The following PLA2G6 variants were observed in gnomAD, a reference collection of about 807,000 sequenced individuals.
PLA2G6 encodes the protein phospholipase A2 group VI, also known as 85/88 kDa calcium-independent phospholipase A2.
In PLA2G6, 62 loss-of-function variants were observed where a neutral mutation model predicts 83.8. That is an observed-to-expected ratio of 0.74 (90% CI 0.60 to 0.91). The LOEUF (loss-of-function observed/expected upper bound fraction) is 0.91, where lower values mean the gene tolerates loss of function less well. Ranked by LOEUF, PLA2G6 falls within the 40% of genes least tolerant of loss-of-function variation. The pLI, the probability that PLA2G6 is intolerant of heterozygous loss-of-function variation, is 0.00. For synonymous variants in PLA2G6, 417 were observed against 449.8 expected, an observed-to-expected ratio of 0.93 and a Z score of 0.92; for missense variants, 944 against 1,102.0, an observed-to-expected ratio of 0.86 and a Z score of 2.03.
chr22:38,145,452 G>C lies in PLA2G6; in HGVS notation c.411C>G (p.His137Gln). 1.9e-6 allele frequency: 3 copies of C among 1,608,372 alleles called. No individual in the cohort carries two copies. Among genetic ancestry groups the C allele is most frequent in the Non-Finnish European group, 2.5e-6 (3 of 1,178,184 alleles). ...CCCTTGCTCACCTGATGATACGGCT[G>C]TGATGGAAGCACTCGCGGATCCCTA... is the stretch of plus-strand genomic sequence containing the variant. ...VELGIRECFHHSRIISCANCA... is the reference protein window; with the variant it reads ...VELGIRECFHQSRIISCANCA... Residue 137 changes from histidine to glutamine, a missense_variant, in exon 3 of 17, where the codon CAC becomes CAG. His to Gln is a conservative substitution (Grantham distance 24, BLOSUM62 0). Transcript: ENST00000332509.
At chr22:38,125,483 T>C (rs1465386718) in intron 10 of PLA2G6, among the ~76,000 whole-genome samples, 1 of 152,156 alleles carries the variant, frequency 6.6e-6, no homozygotes, top group Non-Finnish European at 1.5e-5. Flanking sequence ...TGCCTGGCCC[T>C]GGGAGTGGAG....
At chr22:38,163,441 C>A (rs731821) in intron 2 of PLA2G6, 66,808 of 169,556 alleles carry the variant, frequency 0.39, 13,652 homozygotes, top group South Asian at 0.48. Flanking sequence ...GCGTGGCACA[C>A]CACCAGGCAT....
chr22:38,127,741 G>A lies in PLA2G6; in HGVS notation c.1348+528C>T, dbSNP rs2145744820. The stretch of plus-strand genomic sequence containing the variant: ...CAGAGAAGGGTCCTGTCTAGTCTGG[G>A]GATGTCTCCCTGGGCACCAAGGAAT... On this transcript the variant is annotated intron_variant, in intron 9 of 16. Transcript: ENST00000332509. Among the ~76,000 whole-genome samples, 2 of 152,324 alleles carry A rather than the reference G, an allele frequency of 1.3e-5. 1 individual carries two copies. Among genetic ancestry groups the A allele is most frequent in the South Asian group, 4.1e-4 (2 of 4,830 alleles).
intron 2 of PLA2G6, chr22:38,148,541 C>G: frequency 1.4e-6 from 1 of 717,280 alleles, no homozygotes; most frequent in East Asian, 2.7e-5. Context: ...GTTCAGGTGG[C>G]TGTTACTGGA....
chr22:38,115,774 G>C (rs2087153300), intron 13 of PLA2G6, 93 bp from the exon 14 acceptor site: 1 of 1,504,532 alleles, frequency 6.6e-7, no homozygotes, highest in East Asian at 2.5e-5. Flanking sequence ...TTGGGGGCTG[G>C]GGGTGCGGGA....
chr22:38,112,428 G>C, intron 16 of PLA2G6, 76 bp downstream of exon 16: 1 of 1,503,168 alleles, frequency 6.7e-7, no homozygotes, highest in Non-Finnish European at 9.0e-7. Context: ...GTCCACACTA[G>C]GGCTGGGAGG....
intron 2 of PLA2G6, among the ~76,000 whole-genome samples, chr22:38,162,111 G>A (rs1238651837): frequency 6.6e-6 from 1 of 151,676 alleles, no homozygotes; most frequent in Non-Finnish European, 1.5e-5. Flanking sequence ...AGGAGGCTGA[G>A]GCAGAGAGAA....
chr22:38,119,728 G>T (rs149027686), intron 12 of PLA2G6, among the ~76,000 whole-genome samples: 51 of 152,210 alleles, frequency 3.4e-4, no homozygotes, highest in African/African-American at 1.1e-3. Context: ...TGGGAGGACT[G>T]CTTGAACCCA....
intron 9 of PLA2G6, chr22:38,127,440 G>A (rs1256763961): frequency 6.8e-6 from 9 of 1,331,756 alleles, no homozygotes; most frequent in Non-Finnish European, 7.0e-6. Flanking sequence ...CCACCATCCG[G>A]CCTGGCTTGG....
rs1213607120 is a variant in PLA2G6 at position 38,132,064 on chromosome 22, G to A, written c.1077+767C>T. ...TGGGAGGCGGAGGTTGTGGTGAGCC[G>A]AGATCGCGCCACTGCACTCCAGCCT... On this transcript the variant is annotated intron_variant, in intron 7 of 16. Transcript: ENST00000332509. The surrounding 1 kb of genome is among the most constrained non-coding windows in gnomAD (Gnocchi z 5.0). The A allele has an allele frequency of 2.2e-6, 1 of 445,926 alleles. No homozygotes were observed. The highest frequency in any genetic ancestry group is 2.5e-5 in the Admixed American group (1 of 40,814). The allele number at this position is 445,926 out of a possible 1,614,324, so 27.6% of individuals were successfully genotyped here. A position where few individuals can be genotyped will look rare whatever the true frequency, so the allele number is the denominator to read the frequency against.
chr22:38,152,853 A>G (rs1233361588), intron 2 of PLA2G6, among the ~76,000 whole-genome samples: 1 of 152,218 alleles, frequency 6.6e-6, no homozygotes, highest in African/African-American at 2.4e-5. Flanking sequence ...CTCAATCACA[A>G]ATTGCAAAAG....
chr22:38,175,556 A>G (rs2092180), intron 1 of PLA2G6, among the ~76,000 whole-genome samples: 77,984 of 152,090 alleles, frequency 0.51, 20,542 homozygotes, highest in South Asian at 0.64. Context: ...ACGCTCCATC[A>G]GCGTAGCCCA....
chr22:38,127,387 C>G, intron 9 of PLA2G6: 1 of 1,314,648 alleles, frequency 7.6e-7, no homozygotes, highest in Non-Finnish European at 1.0e-6. Flanking sequence ...TCGGTGGCCT[C>G]TCCAGGCCCA....
chr22:38,135,215 C>T, intron 5 of PLA2G6, 131 bp from the exon 6 acceptor site: 1 of 695,488 alleles, frequency 1.4e-6, no homozygotes, highest in Non-Finnish European at 2.6e-6. Flanking sequence ...CAAACCCAAC[C>T]AGCACACTCA....
chr22:38,123,741 G>A lies in PLA2G6; in HGVS notation c.1428-483C>T, dbSNP rs1371375412. Among the ~76,000 whole-genome samples the A allele has an allele frequency of 6.6e-6, 1 of 152,116 alleles. No individual in the cohort carries two copies. The highest frequency in any genetic ancestry group is 6.5e-5 in the Admixed American group (1 of 15,268). On this transcript the variant is annotated intron_variant, in intron 10 of 16. Transcript: ENST00000332509. The surrounding 1 kb of genome is among the most constrained non-coding windows in gnomAD (Gnocchi z 4.1). ...GGGGAGGAGGGGGCAGGGAGGAAGG[G>A]AGAGGTTCATGCCAGGGGCTATGGG...
chr22:38,123,378 G>A lies in PLA2G6; in HGVS notation c.1428-120C>T, dbSNP rs1355625958. On this transcript the variant is annotated intron_variant, in intron 10 of 16. Coordinates refer to ENST00000332509, the MANE Select transcript of PLA2G6 (RefSeq NM_003560.4). The surrounding 1 kb of genome is among the most constrained non-coding windows in gnomAD (Gnocchi z 4.1). ...CTGGCAGACAGACCCAGACGGACCC[G>A]AGGAACTTCTGTCCTATGCAGGACA... is the stretch of plus-strand genomic sequence containing the variant. The A allele has an allele frequency of 3.0e-5, 31 of 1,047,334 alleles. No homozygotes were observed. The highest frequency in any genetic ancestry group is 3.9e-5 in the Non-Finnish European group (27 of 699,062). 64.9% of individuals were successfully genotyped at this position (1,047,334 alleles called of 1,614,324 possible).
intron 1 of PLA2G6, among the ~76,000 whole-genome samples, chr22:38,172,844 C>G (rs576433752): frequency 6.6e-6 from 1 of 152,236 alleles, no homozygotes; most frequent in East Asian, 1.9e-4. Context: ...GTGTACCCCC[C>G]ACCAGAGCCT....
At chr22:38,173,401 C>T (rs1437576299) in intron 1 of PLA2G6, among the ~76,000 whole-genome samples, 1 of 151,994 alleles carries the variant, frequency 6.6e-6, no homozygotes, top group East Asian at 1.9e-4. Context: ...CTGTGTCAAG[C>T]AGCTCTCTCA....
Position 38,132,695 on chromosome 22 carries a change from T to G in PLA2G6, c.1077+136A>C, listed in dbSNP as rs1246443281. The G allele has an allele frequency of 2.4e-6, 2 of 826,296 alleles. No individual in the cohort carries two copies. The highest frequency in any genetic ancestry group is 2.2e-5 in the Admixed American group (1 of 44,840). The allele number at this position is 826,296 out of a possible 1,614,324, so 51.2% of individuals were successfully genotyped here. ...CTGAGGGAGGAGTCAGGGTCTGAACTGAGCTTTGGGTGGGAAGATGATTTG... is the reference window on the plus strand; with the variant it reads ...CTGAGGGAGGAGTCAGGGTCTGAACGGAGCTTTGGGTGGGAAGATGATTTG... On this transcript the variant is annotated intron_variant, in intron 7 of 16. Transcript: ENST00000332509. This position sits in a 1 kb window ranked among gnomAD's most constrained non-coding sequence, Gnocchi z 5.0.
Sources: allele counts gnomAD v4.1 joint callset (sites outside exome capture counted in the v4.1 genomes callset), GRCh38; gene constraint gnomAD v4.1.1; non-coding constraint Gnocchi (gnomAD v3.1); transcripts MANE v1.5; gene names NCBI Gene and HGNC (gene_info 2026-07-23, HGNC 2026-07-21).